SLX4IP: variants seen among roughly 807,000 people sequenced by gnomAD.
SLX4IP encodes the protein SLX4 interacting protein, also known as protein SLX4IP.
SLX4IP carries 34 observed loss-of-function variants against 32.9 expected under a neutral mutation model. The ratio of observed to expected loss-of-function variants is 1.03; its 90% CI spans 0.79 to 1.38. SLX4IP has a LOEUF of 1.38. SLX4IP is among the 40% of genes most tolerant of loss of function. The pLI is 0.00. For missense variants in SLX4IP, 444 were observed against 479.0 expected, an observed-to-expected ratio of 0.93 and a Z score of 0.68; for synonymous variants, 172 against 171.7, an observed-to-expected ratio of 1.00 and a Z score of -0.01.
intron 2 of SLX4IP, among the ~76,000 whole-genome samples, chr20:10,495,573 C>T (rs2065660121): frequency 6.6e-6 from 1 of 152,248 alleles, no homozygotes; most frequent in South Asian, 2.1e-4. Flanking sequence ...TTCAGCTTCT[C>T]ACTATAGTAA....
intron 2 of SLX4IP, among the ~76,000 whole-genome samples, chr20:10,482,538 G>A (rs1028573470): frequency 6.6e-6 from 1 of 152,136 alleles, no homozygotes; most frequent in Non-Finnish European, 1.5e-5. Context: ...CAGTTGAGGT[G>A]AGGTGGTTAT....
At chr20:10,479,961 G>A (rs553903587) in intron 2 of SLX4IP, among the ~76,000 whole-genome samples, 7 of 152,142 alleles carry the variant, frequency 4.6e-5, no homozygotes, top group South Asian at 2.1e-4. Context: ...CCAAGATGGC[G>A]CCATTGCACT....
At chr20:10,545,439 A>G (rs887282872) in intron 2 of SLX4IP, among the ~76,000 whole-genome samples, 2 of 152,148 alleles carry the variant, frequency 1.3e-5, no homozygotes, top group African/African-American at 2.4e-5. Flanking sequence ...AAAAGAGTAA[A>G]TGTGTAGCCC....
chr20:10,445,623 T>C (rs1311273720), intron 1 of SLX4IP, among the ~76,000 whole-genome samples: 2 of 145,486 alleles, frequency 1.4e-5, no homozygotes, highest in African/African-American at 5.2e-5. Context: ...CCGATGAGAT[T>C]GCCCTTTTTT....
intron 2 of SLX4IP, among the ~76,000 whole-genome samples, chr20:10,460,508 T>C (rs751757966): frequency 5.3e-5 from 8 of 152,206 alleles, no homozygotes; most frequent in Non-Finnish European, 1.0e-4. Context: ...GCTGGATCTG[T>C]TAATTGTTGT....
chr20:10,524,201 C>T (rs2065923648), intron 2 of SLX4IP, among the ~76,000 whole-genome samples: 1 of 152,200 alleles, frequency 6.6e-6, no homozygotes, highest in Non-Finnish European at 1.5e-5. Context: ...CTGGCTGTGT[C>T]CGTTTGGGAT....
At chr20:10,566,090 A>T (rs2066388944) in intron 4 of SLX4IP, among the ~76,000 whole-genome samples, 1 of 152,164 alleles carries the variant, frequency 6.6e-6, no homozygotes, top group South Asian at 2.1e-4. Flanking sequence ...TGAAATAAGT[A>T]GTTGATGTTT....
intron 2 of SLX4IP, among the ~76,000 whole-genome samples, chr20:10,465,658 G>A (rs183061250): frequency 1.9e-4 from 29 of 152,136 alleles, no homozygotes; most frequent in African/African-American, 5.8e-4. Flanking sequence ...GGCACATGCC[G>A]CCATGCCCAG....
chr20:10,529,524 G>A (rs1188660964), intron 2 of SLX4IP, among the ~76,000 whole-genome samples: 2 of 146,368 alleles, frequency 1.4e-5, no homozygotes, highest in Non-Finnish European at 3.0e-5. Flanking sequence ...CCAGGAGGTA[G>A]AGGTTGCAGT....
chr20:10,532,198 G>C (rs675279), intron 2 of SLX4IP, among the ~76,000 whole-genome samples: 3 of 151,974 alleles, frequency 2.0e-5, no homozygotes, highest in Admixed American at 2.0e-4. Flanking sequence ...ACTTTCATCT[G>C]TATTTAATTT....
intron 2 of SLX4IP, among the ~76,000 whole-genome samples, chr20:10,542,264 G>A (rs2066115995): frequency 6.6e-6 from 1 of 152,152 alleles, no homozygotes; most frequent in South Asian, 2.1e-4. Flanking sequence ...CCCTGCGGCA[G>A]ATCACTTCCT....
At chr20:10,463,639 G>C (rs988064964) in intron 2 of SLX4IP, among the ~76,000 whole-genome samples, 1 of 152,116 alleles carries the variant, frequency 6.6e-6, no homozygotes, top group Non-Finnish European at 1.5e-5. Flanking sequence ...ATTTTTTTAG[G>C]CCTGTCAGGT....
intron 5 of SLX4IP, 110 bp from the exon 6 acceptor site, chr20:10,601,621 A>T (rs2066842875): frequency 3.7e-6 from 3 of 807,508 alleles, no homozygotes; most frequent in Non-Finnish European, 6.2e-6. Context: ...CGTATGTTTT[A>T]TATGGATGTG....
intron 5 of SLX4IP, among the ~76,000 whole-genome samples, chr20:10,600,647 G>T (rs1056548511): frequency 6.6e-6 from 1 of 152,084 alleles, no homozygotes; most frequent in Non-Finnish European, 1.5e-5. Context: ...CTTCCAAGCG[G>T]TGCATCAAAT....
intron 2 of SLX4IP, among the ~76,000 whole-genome samples, chr20:10,519,924 G>A (rs1327202944): frequency 6.6e-6 from 1 of 152,188 alleles, no homozygotes; most frequent in East Asian, 1.9e-4. Flanking sequence ...ATGAAGTTGT[G>A]TCTCAGTTGT....
At chr20:10,555,796 G>A (rs2066260554) in intron 2 of SLX4IP, among the ~76,000 whole-genome samples, 1 of 152,004 alleles carries the variant, frequency 6.6e-6, no homozygotes, top group Admixed American at 6.5e-5. Flanking sequence ...CCTTTTGTCC[G>A]TCTAAAAATG....
At chr20:10,461,526 A>T (rs1177294825) in intron 2 of SLX4IP, among the ~76,000 whole-genome samples, 1 of 152,200 alleles carries the variant, frequency 6.6e-6, no homozygotes, top group African/African-American at 2.4e-5. Flanking sequence ...TGGTTCTCTA[A>T]TCATGTACCT....
intron 2 of SLX4IP, among the ~76,000 whole-genome samples, chr20:10,469,842 T>C (rs1381913155): frequency 6.6e-6 from 1 of 152,242 alleles, no homozygotes; most frequent in Admixed American, 6.5e-5. Flanking sequence ...GGTGGTTGTA[T>C]GTGCACACTT....
At chr20:10,517,215 T>A (rs1181454322) in intron 2 of SLX4IP, among the ~76,000 whole-genome samples, 1 of 152,214 alleles carries the variant, frequency 6.6e-6, no homozygotes, top group Non-Finnish European at 1.5e-5. Flanking sequence ...CATCAAACCC[T>A]CACAGGGTCA....
Sources: gnomAD v4.1 joint callset for allele counts (sites outside exome capture counted in the v4.1 genomes callset) on GRCh38, gnomAD v4.1.1 for gene constraint, MANE v1.5 for transcripts, NCBI Gene and HGNC (gene_info 2026-07-23, HGNC 2026-07-21) for gene names.